Variants in ZNF365 observed in about 807,000 individuals in gnomAD.
ZNF365 encodes zinc finger protein 365.
A neutral mutation model predicts 35.0 loss-of-function variants in ZNF365; 22 were observed. That is an observed-to-expected ratio of 0.63 (90% CI 0.45 to 0.90). ZNF365 has a LOEUF of 0.90. Ranked by LOEUF, ZNF365 falls within the 40% of genes least tolerant of loss-of-function variation. ZNF365 has a pLI of 0.00. For missense variants in ZNF365, 448 were observed against 500.3 expected, an observed-to-expected ratio of 0.90 and a Z score of 1.00; for synonymous variants, 188 against 196.2, an observed-to-expected ratio of 0.96 and a Z score of 0.35.
At chr10:62,434,517 A>G (rs1374312452) in intron 3 of ZNF365, among the ~76,000 whole-genome samples, 1 of 152,030 alleles carries the variant, frequency 6.6e-6, no homozygotes, top group Non-Finnish European at 1.5e-5. Context: ...GCCTTCTTGC[A>G]TTTTCTCTCT....
At chr10:62,430,251 A>G (rs2132455368) in intron 3 of ZNF365, among the ~76,000 whole-genome samples, 1 of 125,550 alleles carries the variant, frequency 8.0e-6, no homozygotes, top group South Asian at 2.6e-4. Context: ...CTTTTGGAAA[A>G]GGTTTTTTTT....
downstream of ZNF365, among the ~76,000 whole-genome samples, chr10:62,406,960 C>G (rs888888414): frequency 7.2e-5 from 11 of 152,292 alleles, no homozygotes; most frequent in African/African-American, 2.6e-4. Context: ...TTCCTGGAAC[C>G]TGGGCAGGGG....
chr10:62,428,344 C>T (rs1227458740), intron 3 of ZNF365, among the ~76,000 whole-genome samples: 2 of 152,048 alleles, frequency 1.3e-5, no homozygotes, highest in East Asian at 1.9e-4. Context: ...GTGGGAGGGA[C>T]CTGGTGGGAT....
chr10:62,409,731 C>G (rs74156202), intron 3 of ZNF365, among the ~76,000 whole-genome samples: 1 of 152,054 alleles, frequency 6.6e-6, no homozygotes, highest in African/African-American at 2.4e-5. Context: ...TAAGGCCTCA[C>G]CAGATGGATC....
intron 3 of ZNF365, among the ~76,000 whole-genome samples, chr10:62,436,266 G>A (rs1325797201): frequency 6.6e-6 from 1 of 152,094 alleles, no homozygotes; most frequent in Non-Finnish European, 1.5e-5. Flanking sequence ...AAATAGGAAA[G>A]TTCCAACAGC....
At chr10:62,382,478 A>G (rs1839456868) in intron 2 of ZNF365, among the ~76,000 whole-genome samples, 1 of 152,092 alleles carries the variant, frequency 6.6e-6, no homozygotes, top group East Asian at 1.9e-4. Flanking sequence ...AAATTCGGAA[A>G]CCCAGGAAAG....
chr10:62,377,902 T>C (rs1232865901), intron 2 of ZNF365, among the ~76,000 whole-genome samples: 1 of 152,240 alleles, frequency 6.6e-6, no homozygotes, highest in Non-Finnish European at 1.5e-5. Flanking sequence ...CATCTTTTCT[T>C]TGCCCTCTGG....
intron 2 of ZNF365, among the ~76,000 whole-genome samples, chr10:62,384,215 T>C (rs1839488588): frequency 6.6e-6 from 1 of 152,102 alleles, no homozygotes; most frequent in African/African-American, 2.4e-5. Context: ...TGATTGAGTT[T>C]CACTCAGGTT....
intron 4 of ZNF365, among the ~76,000 whole-genome samples, chr10:62,460,887 T>C (rs959387984): frequency 4.6e-5 from 7 of 152,252 alleles, no homozygotes; most frequent in African/African-American, 1.7e-4. Context: ...GCCCCATATA[T>C]ATGTGAATCT....
At chr10:62,457,569 G>C (rs1009486209) in intron 3 of ZNF365, among the ~76,000 whole-genome samples, 3 of 152,218 alleles carry the variant, frequency 2.0e-5, no homozygotes, top group African/African-American at 7.2e-5. Context: ...GCAAACCACA[G>C]TGACAATTAT....
chr10:62,406,003 C>T (rs1315920902), downstream of ZNF365, among the ~76,000 whole-genome samples: 4 of 152,236 alleles, frequency 2.6e-5, no homozygotes, highest in East Asian at 7.7e-4. Flanking sequence ...TAGAGGGAAC[C>T]AAGATTCTTA....
chr10:62,377,337 A>G (rs1344791616), intron 2 of ZNF365, among the ~76,000 whole-genome samples: 1 of 152,214 alleles, frequency 6.6e-6, no homozygotes. Flanking sequence ...TTATAAAGTC[A>G]ATGCAAGATG....
chr10:62,433,275 G>A (rs1266117896), intron 3 of ZNF365, among the ~76,000 whole-genome samples: 2 of 152,164 alleles, frequency 1.3e-5, no homozygotes, highest in African/African-American at 4.8e-5. Flanking sequence ...AATTCTCTCA[G>A]ACAGTAGACA....
intron 3 of ZNF365, among the ~76,000 whole-genome samples, chr10:62,396,516 C>T (rs1338453726): frequency 1.3e-5 from 2 of 152,082 alleles, no homozygotes; most frequent in Non-Finnish European, 1.5e-5. Flanking sequence ...ATTTATAGTA[C>T]CTTTATATGT....
intron 3 of ZNF365, among the ~76,000 whole-genome samples, chr10:62,451,568 G>T (rs1305197662): frequency 6.6e-6 from 1 of 152,176 alleles, no homozygotes; most frequent in Non-Finnish European, 1.5e-5. Flanking sequence ...TTGAGACTTA[G>T]ATGACTTGAA....
chr10:62,472,684 A>C (rs1400153270), intron 4 of ZNF365, among the ~76,000 whole-genome samples: 1 of 152,188 alleles, frequency 6.6e-6, no homozygotes, highest in Non-Finnish European at 1.5e-5. Context: ...CTATTGTTTA[A>C]GCCATTTGGT....
intron 3 of ZNF365, among the ~76,000 whole-genome samples, chr10:62,407,997 G>A (rs1839929553): frequency 6.6e-6 from 1 of 152,156 alleles, no homozygotes; most frequent in Admixed American, 6.5e-5. Context: ...ATTTGTTACA[G>A]CAGCCATAGA....
At chr10:62,467,759 A>G (rs754644973) in intron 4 of ZNF365, among the ~76,000 whole-genome samples, 4 of 152,166 alleles carry the variant, frequency 2.6e-5, no homozygotes, top group Non-Finnish European at 5.9e-5. Context: ...GATGCTATGA[A>G]TCATGCTTCA....
At chr10:62,410,556 C>A (rs1219211175) in intron 3 of ZNF365, among the ~76,000 whole-genome samples, 1 of 152,066 alleles carries the variant, frequency 6.6e-6, no homozygotes, top group African/African-American at 2.4e-5. Context: ...GTGTAGTTCC[C>A]CACCCTATGT....
Sources: allele counts gnomAD v4.1 joint callset (sites outside exome capture counted in the v4.1 genomes callset), GRCh38; gene constraint gnomAD v4.1.1; transcripts MANE v1.5; gene names NCBI Gene and HGNC (gene_info 2026-07-23, HGNC 2026-07-21).